MED27: variants seen among roughly 807,000 people sequenced by gnomAD.
The protein encoded by MED27 is mediator complex subunit 27.
MED27 carries 30 observed loss-of-function variants against 38.2 expected under a neutral mutation model. The observed-to-expected ratio is 0.79, with a 90% CI of 0.59 to 1.07. MED27 has a LOEUF of 1.07. Ranked by LOEUF, MED27 falls within the 50% of genes least tolerant of loss-of-function variation. The pLI, the probability that MED27 is intolerant of heterozygous loss-of-function variation, is 0.00. For synonymous variants in MED27, 122 were observed against 153.5 expected (o/e 0.79, Z 1.52); for missense variants, 289 against 397.5 (o/e 0.73, Z 2.32).
chr9:132,002,338 T>C (rs1028091279), intron 3 of MED27, among the ~76,000 whole-genome samples: 1 of 152,218 alleles, frequency 6.6e-6, no homozygotes, highest in Admixed American at 6.5e-5. Context: ...AGAATTCCTG[T>C]GTATCTATTT....
intron 3 of MED27, among the ~76,000 whole-genome samples, chr9:131,996,764 CCTT>C (rs1478820783): frequency 3.3e-5 from 5 of 152,202 alleles, no homozygotes; most frequent in African/African-American, 1.2e-4. Flanking sequence ...ACCTCCTCCT[CCTT>C]ACTCTACTCA....
chr9:132,011,063 G>A (rs1263043792), intron 3 of MED27, among the ~76,000 whole-genome samples: 1 of 152,040 alleles, frequency 6.6e-6, no homozygotes, highest in Non-Finnish European at 1.5e-5. Context: ...GTCTTCTATA[G>A]AATACAACCA....
intron 3 of MED27, among the ~76,000 whole-genome samples, chr9:131,972,848 G>A (rs911143115): frequency 2.0e-5 from 3 of 152,184 alleles, no homozygotes; most frequent in Non-Finnish European, 1.5e-5. Flanking sequence ...AGCAGTTTGA[G>A]ACCACCCTGG....
At chr9:132,078,666 G>A (rs1165170592) in intron 1 of MED27, among the ~76,000 whole-genome samples, 1 of 152,034 alleles carries the variant, frequency 6.6e-6, no homozygotes, top group African/African-American at 2.4e-5. Flanking sequence ...TTACTAAGGA[G>A]ACCAAGTTGA....
chr9:131,953,385 C>T (rs1831035942), intron 3 of MED27, among the ~76,000 whole-genome samples: 1 of 152,146 alleles, frequency 6.6e-6, no homozygotes, highest in Non-Finnish European at 1.5e-5. Flanking sequence ...TGTGAATTTG[C>T]ACAGACTAAC....
At chr9:132,040,486 G>A (rs953550991) in intron 2 of MED27, among the ~76,000 whole-genome samples, 10 of 152,208 alleles carry the variant, frequency 6.6e-5, no homozygotes, top group African/African-American at 2.4e-4. Context: ...ACGAGAGACT[G>A]CCCGTACAAA....
At chr9:132,001,172 T>C (rs542116481) in intron 3 of MED27, among the ~76,000 whole-genome samples, 2 of 152,082 alleles carry the variant, frequency 1.3e-5, no homozygotes, top group Non-Finnish European at 2.9e-5. Context: ...ATGCAAACTA[T>C]AGTGACAAAA....
Position 131,893,932 on chromosome 9 carries a change from T to C in MED27, c.634A>G (p.Thr212Ala). 1 of 1,614,202 alleles carries C rather than the reference T, an allele frequency of 6.2e-7. No homozygotes were observed. Among genetic ancestry groups the C allele is most frequent in the Non-Finnish European group, 8.5e-7 (1 of 1,180,040 alleles). ...TTCTCGTTATATCCCTTTACTATTG[T>C]TCGATCAATGAACAGGCTCCGCATG... Reference protein sequence around the residue: ...VVMRSLFIDRTIVKGYNENVY... With the variant: ...VVMRSLFIDRAIVKGYNENVY... Residue 212 changes from threonine (T) to alanine (A), a missense_variant, in exon 5 of 8, where the codon ACA becomes GCA. Coordinates refer to ENST00000292035, the MANE Select transcript of MED27 (RefSeq NM_004269.4).
chr9:132,014,399 C>T lies in MED27; in HGVS notation c.417G>A (p.Gln139=), dbSNP rs1463907882. The T allele has an allele frequency of 6.2e-7, 1 of 1,613,762 alleles. No homozygotes were observed. Among genetic ancestry groups the T allele is most frequent in the Admixed American group, 1.7e-5 (1 of 60,022 alleles). The change falls in exon 3 of 8, where the codon CAG becomes CAA. Residue 139 remains glutamine (Q), a synonymous_variant. Transcript: ENST00000292035. ...NQQSLKRSAN[Q]MGVSAKRRPK... is the part of the protein sequence containing the mutation. ...GTCTACGTTTGGCAGATACTCCCAT[C>T]TGATTAGCGGAACGCTTCAATGACT...
chr9:132,075,539 C>T (rs1834027866), intron 2 of MED27, among the ~76,000 whole-genome samples: 2 of 152,162 alleles, frequency 1.3e-5, no homozygotes, highest in African/African-American at 2.4e-5. Flanking sequence ...TTAATACAAC[C>T]TATTTTCCAC....
At chr9:131,996,087 A>G (rs970156476) in intron 3 of MED27, among the ~76,000 whole-genome samples, 1 of 152,212 alleles carries the variant, frequency 6.6e-6, no homozygotes, top group South Asian at 2.1e-4. Flanking sequence ...TCACTGCATT[A>G]TAAGCTATGG....
chr9:132,052,354 CT>C (rs899628240), intron 2 of MED27, among the ~76,000 whole-genome samples: 3 of 152,182 alleles, frequency 2.0e-5, no homozygotes, highest in Non-Finnish European at 2.9e-5. Flanking sequence ...CAGTAGTGAT[CT>C]ATTAGTTATA....
chr9:132,033,896 G>A (rs193145251), intron 2 of MED27, among the ~76,000 whole-genome samples: 256 of 152,274 alleles, frequency 1.7e-3, no homozygotes, highest in African/African-American at 5.7e-3. Flanking sequence ...CAACCATAAT[G>A]TATTCCCTTC....
Position 131,886,855 on chromosome 9 carries a change from G to C in MED27, c.682-2756C>G, listed in dbSNP as rs1052477525. Among the ~76,000 whole-genome samples the C allele has an allele frequency of 5.9e-5, 9 of 152,204 alleles. 1 individual carries two copies. The South Asian group carries it at 1.9e-3, about 31-fold the overall frequency. The stretch of plus-strand genomic sequence containing the variant: ...ATTTAAAGATTATTCAGGGGTTGCA[G>C]GATGAATAAGAATGACTTTTGCATC... On this transcript the variant is annotated intron_variant, in intron 5 of 7. Transcript: ENST00000292035.
chr9:131,912,798 T>C (rs1163584623), intron 4 of MED27, among the ~76,000 whole-genome samples: 2 of 152,178 alleles, frequency 1.3e-5, no homozygotes, highest in Non-Finnish European at 2.9e-5. Flanking sequence ...TGGTAGATCA[T>C]ATATAAAAAC....
rs1053332297 is a variant in MED27 at position 132,003,092 on chromosome 9, T to A, written c.479+11245A>T. ...GCTCTTTGTTATGCAAAGAGAGATT[T>A]AAAAAAAAAAATGGATCCAGCTTCT... On this transcript the variant is annotated intron_variant, in intron 3 of 7. Transcript: ENST00000292035. The surrounding 1 kb of genome is among the most constrained non-coding windows in gnomAD (Gnocchi z 4.2). Among the ~76,000 whole-genome samples the A allele has an allele frequency of 7.4e-5, 11 of 148,042 alleles. No individual in the cohort carries two copies. Among genetic ancestry groups the A allele is most frequent in the African/African-American group, 2.0e-4 (8 of 40,496 alleles).
chr9:132,070,861 C>T (rs1833920871), intron 2 of MED27, among the ~76,000 whole-genome samples: 1 of 151,986 alleles, frequency 6.6e-6, no homozygotes, highest in African/African-American at 2.4e-5. Flanking sequence ...AGAACTGCCC[C>T]CCACACACTA....
intron 2 of MED27, among the ~76,000 whole-genome samples, chr9:132,060,372 A>G (rs547649480): frequency 2.6e-5 from 4 of 152,284 alleles, no homozygotes; most frequent in African/African-American, 9.6e-5. Context: ...CTCCATGTAC[A>G]CCTGTAAGAT....
intron 3 of MED27, among the ~76,000 whole-genome samples, chr9:131,952,270 C>G (rs1424497066): frequency 6.6e-6 from 1 of 152,196 alleles, no homozygotes; most frequent in Non-Finnish European, 1.5e-5. Context: ...CAGCAAAACA[C>G]CAATTTCTCC....
Sources: allele counts gnomAD v4.1 joint callset (sites outside exome capture counted in the v4.1 genomes callset), GRCh38; gene constraint gnomAD v4.1.1; non-coding constraint Gnocchi (gnomAD v3.1); transcripts MANE v1.5; gene names NCBI Gene and HGNC (gene_info 2026-07-23, HGNC 2026-07-21).